Variants in AUTS2 observed in about 807,000 individuals in gnomAD.
AUTS2 encodes activator of transcription and developmental regulator AUTS2, also known as autism susceptibility gene 2 protein.
A neutral mutation model predicts 112.4 loss-of-function variants in AUTS2; 17 were observed. The observed-to-expected ratio is 0.15, with a 90% CI of 0.10 to 0.23. The LOEUF is 0.23. Ranked by LOEUF, AUTS2 falls within the 10% of genes least tolerant of loss-of-function variation. The pLI is 1.00. For synonymous variants in AUTS2, 751 were observed against 702.7 expected, an observed-to-expected ratio of 1.07 and a Z score of -1.09; for missense variants, 1,510 against 1,701.6, an observed-to-expected ratio of 0.89 and a Z score of 1.98.
intron 4 of AUTS2, among the ~76,000 whole-genome samples, chr7:70,143,815 T>C (rs1806987270): frequency 6.6e-6 from 1 of 152,140 alleles, no homozygotes; most frequent in African/African-American, 2.4e-5. Context: ...GCCAGATAAT[T>C]GCAGTGTTTC....
At chr7:69,628,732 C>T (rs951755194) in intron 1 of AUTS2, among the ~76,000 whole-genome samples, 1 of 152,050 alleles carries the variant, frequency 6.6e-6, no homozygotes, top group Non-Finnish European at 1.5e-5. Context: ...AACTCTTTCA[C>T]GAGAACAGCA....
chr7:69,611,786 C>A (rs1052611687), intron 1 of AUTS2, among the ~76,000 whole-genome samples: 1 of 150,834 alleles, frequency 6.6e-6, no homozygotes, highest in Admixed American at 6.6e-5. Context: ...AAAAATTAGC[C>A]GGGCGCGGTG....
rs1397035425 is a variant in AUTS2, at chr7:70,790,037, T to C, written c.2821T>C (p.Ser941Pro). The C allele has an allele frequency of 6.3e-7, 1 of 1,582,540 alleles. No homozygotes were observed. The change falls in exon 19 of 19, where the codon TCT (serine) becomes CCT (proline). Residue 941 changes from serine to proline, a missense_variant. This residue lies in a region of AUTS2 where 788 missense variants were observed against 797.6 expected (regional missense o/e 0.99). Coordinates refer to ENST00000342771, the MANE Select transcript of AUTS2 (RefSeq NM_015570.4). This position sits in a 1 kb window ranked among gnomAD's most constrained non-coding sequence, Gnocchi z 7.6. ...GGCCAAGCAGCTGGCCCGGGTGCCG[T>C]CTCCCTACGTGCGGACCCCGGTGGT... ...EEAKQLARVP[S>P]PYVRTPVVES...
rs189658976 is a variant in AUTS2, at chr7:70,021,229, G to A, written c.523-96903G>A. 5.5e-3 allele frequency among the ~76,000 whole-genome samples: 838 copies of A among 151,716 alleles called. 6 individuals carry two copies. Among genetic ancestry groups the A allele is most frequent in the Non-Finnish European group, 9.4e-3 (636 of 67,866 alleles). On this transcript the variant is annotated intron_variant, in intron 2 of 18. Transcript: ENST00000342771. Reference sequence around the variant, plus strand: ...ACTCCTGACCTCAGGTGATCCGCCCGCCTTGGCCTCCCAAAGTGCTGGGAT... The same window carrying A: ...ACTCCTGACCTCAGGTGATCCGCCCACCTTGGCCTCCCAAAGTGCTGGGAT...
At chr7:70,781,372 A>T in intron 14 of AUTS2, 1 of 342,518 alleles carries the variant, frequency 2.9e-6, no homozygotes, top group Non-Finnish European at 5.1e-6. Flanking sequence ...CACAAAAAAA[A>T]AAAAAAAAAA....
intron 5 of AUTS2, among the ~76,000 whole-genome samples, chr7:70,448,072 A>G (rs1377063433): frequency 6.6e-6 from 1 of 152,210 alleles, no homozygotes; most frequent in Non-Finnish European, 1.5e-5. Flanking sequence ...TATAGAATAA[A>G]ATGACTGCAG....
At chr7:70,775,878 CT>C (rs1790655374) in intron 13 of AUTS2, among the ~76,000 whole-genome samples, 1 of 152,190 alleles carries the variant, frequency 6.6e-6, no homozygotes, top group African/African-American at 2.4e-5. Flanking sequence ...GCAAATTGTT[CT>C]CGAGGTCTGG....
intron 4 of AUTS2, among the ~76,000 whole-genome samples, chr7:70,190,426 T>G (rs1809820690): frequency 6.6e-6 from 1 of 152,260 alleles, no homozygotes; most frequent in Non-Finnish European, 1.5e-5. Flanking sequence ...GCAGCTGTTT[T>G]AAATTCCTTA....
chr7:70,746,874 C>T (rs1194914096), intron 6 of AUTS2, among the ~76,000 whole-genome samples: 1 of 152,182 alleles, frequency 6.6e-6, no homozygotes, highest in East Asian at 1.9e-4. Context: ...TTTAAGAGCT[C>T]ACTCAGGGTG....
chr7:70,738,910 C>T (rs971847829), intron 6 of AUTS2, among the ~76,000 whole-genome samples: 1 of 151,328 alleles, frequency 6.6e-6, no homozygotes, highest in Non-Finnish European at 1.5e-5. Flanking sequence ...ATATTCAAAA[C>T]CCTCCCATCC....
intron 2 of AUTS2, among the ~76,000 whole-genome samples, chr7:69,951,650 G>A (rs1467576793): frequency 1.3e-5 from 2 of 152,126 alleles, no homozygotes; most frequent in Non-Finnish European, 2.9e-5. Context: ...AATGACCACG[G>A]GGAGCCTCAT....
intron 1 of AUTS2, among the ~76,000 whole-genome samples, chr7:69,601,009 G>A (rs547027319): frequency 1.5e-4 from 23 of 151,994 alleles, no homozygotes; most frequent in African/African-American, 4.8e-4. Flanking sequence ...GGGAGGGAGG[G>A]GGAGACTGTC....
At chr7:70,240,993 A>G (rs1812581632) in intron 4 of AUTS2, among the ~76,000 whole-genome samples, 1 of 152,178 alleles carries the variant, frequency 6.6e-6, no homozygotes, top group Non-Finnish European at 1.5e-5. Flanking sequence ...GGACATATCT[A>G]ACAAGGAACT....
At chr7:70,630,654 A>G (rs113518457) in intron 5 of AUTS2, among the ~76,000 whole-genome samples, 242 of 152,296 alleles carry the variant, frequency 1.6e-3, no homozygotes, top group African/African-American at 5.6e-3. Context: ...ATTCTATCAG[A>G]ATATATCCAA....
intron 5 of AUTS2, among the ~76,000 whole-genome samples, chr7:70,523,264 G>C (rs1056973342): frequency 6.6e-6 from 1 of 152,088 alleles, no homozygotes; most frequent in Non-Finnish European, 1.5e-5. Flanking sequence ...TTGATCCAGG[G>C]ATAGAATGTA....
chr7:70,764,368 T>A (rs894450434), intron 7 of AUTS2, among the ~76,000 whole-genome samples: 2 of 152,198 alleles, frequency 1.3e-5, no homozygotes, highest in Admixed American at 6.5e-5. Context: ...TCGCTTTTTT[T>A]ATTCCTTTTT....
At chr7:70,593,936 C>T (rs908166018) in intron 5 of AUTS2, among the ~76,000 whole-genome samples, 5 of 152,184 alleles carry the variant, frequency 3.3e-5, no homozygotes, top group Non-Finnish European at 5.9e-5. Flanking sequence ...GCAAGCACAG[C>T]GTCATAGAAC....
intron 1 of AUTS2, among the ~76,000 whole-genome samples, chr7:69,684,677 G>A (rs1274142343): frequency 2.6e-5 from 4 of 152,088 alleles, no homozygotes; most frequent in African/African-American, 4.8e-5. Context: ...AATAGCAAAT[G>A]GGAAGAGTAA....
Position 70,163,265 on chromosome 7 carries a change from T to C in AUTS2, c.660+28694T>C, listed in dbSNP as rs571854657. ...AGAGTTCATACGAGTAAGTCTAGCATGTAGAAACTAAGCCAGTAGAATGTT... is the reference window on the plus strand; with the variant it reads ...AGAGTTCATACGAGTAAGTCTAGCACGTAGAAACTAAGCCAGTAGAATGTT... On this transcript the variant is annotated intron_variant, in intron 4 of 18. Coordinates refer to ENST00000342771, the MANE Select transcript of AUTS2 (RefSeq NM_015570.4). 2.8e-3 allele frequency among the ~76,000 whole-genome samples: 402 copies of C among 145,382 alleles called. 2 individuals are homozygous for C. The highest frequency in any genetic ancestry group is 5.3e-3 in the Non-Finnish European group (356 of 67,426).
Sources: gnomAD v4.1 joint callset for allele counts (sites outside exome capture counted in the v4.1 genomes callset) on GRCh38, gnomAD v4.1.1 for gene constraint, gnomAD v4.1.1 regional missense constraint, Gnocchi (gnomAD v3.1) non-coding constraint, MANE v1.5 for transcripts, NCBI Gene and HGNC (gene_info 2026-07-23, HGNC 2026-07-21) for gene names.